NAV3: variants seen among roughly 807,000 people sequenced by gnomAD.
NAV3 encodes pore membrane and/or filament interacting like protein 1.
A neutral mutation model predicts 244.7 loss-of-function variants in NAV3; 87 were observed. That is an observed-to-expected ratio of 0.36 (90% CI 0.30 to 0.42). The LOEUF (loss-of-function observed/expected upper bound fraction) is 0.42, where lower values mean the gene tolerates loss of function less well. Ranked by LOEUF, NAV3 falls within the 20% of genes least tolerant of loss-of-function variation. The probability of loss-of-function intolerance (pLI) is 1.00; values close to 1 mark genes in which losing one functional copy is unlikely to be tolerated. For missense variants in NAV3, 2,663 were observed against 2,893.3 expected, an observed-to-expected ratio of 0.92 and a Z score of 1.83; for synonymous variants, 1,126 against 1,042.2, an observed-to-expected ratio of 1.08 and a Z score of -1.55.
chr12:77,794,475 T>C (rs1172393936), intron 2 of NAV3, among the ~76,000 whole-genome samples: 1 of 152,214 alleles, frequency 6.6e-6, no homozygotes, highest in Non-Finnish European at 1.5e-5. Context: ...AAGATTAATC[T>C]AGCCAGTTAT....
chr12:77,900,572 A>ATG (rs34452646), intron 1 of NAV3, among the ~76,000 whole-genome samples: 2,412 of 151,218 alleles, frequency 0.016, 31 homozygotes, highest in South Asian at 0.048. Flanking sequence ...GCACACGCGT[A>ATG]TGTGTGTGTG....
chr12:77,924,716 T>G (rs1888026127), intron 1 of NAV3, among the ~76,000 whole-genome samples: 1 of 152,080 alleles, frequency 6.6e-6, no homozygotes, highest in Non-Finnish European at 1.5e-5. Context: ...TCAATGCAAT[T>G]AAAAAGAAAG....
Position 77,968,032 on chromosome 12 carries a change from G to T in NAV3, c.488-487G>T, listed in dbSNP as rs147674875. Reference sequence around the variant, plus strand: ...GGGTGATTTAGAAAGAAAGTTGATTGCAACAAATCCAGTTGGTATTAGGAG... The same window carrying T: ...GGGTGATTTAGAAAGAAAGTTGATTTCAACAAATCCAGTTGGTATTAGGAG... On this transcript the variant is annotated intron_variant, in intron 4 of 39. Coordinates refer to ENST00000397909, the MANE Select transcript of NAV3 (RefSeq NM_001024383.2). Among the ~76,000 whole-genome samples, 642 of 152,202 alleles carry T rather than the reference G, an allele frequency of 4.2e-3. 4 individuals carry two copies. Among genetic ancestry groups the T allele is most frequent in the African/African-American group, 0.015 (617 of 41,534 alleles).
At chr12:78,049,184 C>T (rs767277209) in intron 9 of NAV3, among the ~76,000 whole-genome samples, 2 of 152,176 alleles carry the variant, frequency 1.3e-5, no homozygotes, top group Non-Finnish European at 2.9e-5. Flanking sequence ...CTGAGCTAGA[C>T]CACTTAGCTC....
intron 2 of NAV3, among the ~76,000 whole-genome samples, chr12:77,669,740 A>G (rs1233322080): frequency 1.3e-5 from 2 of 152,152 alleles, no homozygotes; most frequent in Non-Finnish European, 2.9e-5. Context: ...ATAAATGGCA[A>G]ACAATAATAG....
chr12:77,947,226 T>C (rs987511839), intron 3 of NAV3, among the ~76,000 whole-genome samples: 8 of 152,070 alleles, frequency 5.3e-5, no homozygotes, highest in East Asian at 1.9e-4. Context: ...ATTACTGTTA[T>C]GGAATTCACA....
At chr12:78,100,568 A>G (rs552052245) in intron 12 of NAV3, among the ~76,000 whole-genome samples, 12 of 152,086 alleles carry the variant, frequency 7.9e-5, no homozygotes, top group African/African-American at 1.9e-4. Flanking sequence ...TAAGTTCCCT[A>G]CTTGCACTCT....
At chr12:78,195,882 C>A (rs1232900164) in intron 34 of NAV3, among the ~76,000 whole-genome samples, 1 of 151,964 alleles carries the variant, frequency 6.6e-6, no homozygotes, top group Non-Finnish European at 1.5e-5. Flanking sequence ...TTAGAGCTTG[C>A]AGGGGAAACC....
Position 77,627,717 on chromosome 12 carries a change from T to A in NAV3, c.72+55451T>A, listed in dbSNP as rs571969790. 2.6e-5 allele frequency among the ~76,000 whole-genome samples: 4 copies of A among 152,290 alleles called. No homozygotes were observed. The South Asian group carries it at 8.3e-4, about 32-fold the overall frequency. Reference sequence around the variant, plus strand: ...AAAGGAAATCAGCATATCAAAGGGATACCTGCACCTCCATGTCTATTGCAG... The same window carrying A: ...AAAGGAAATCAGCATATCAAAGGGAAACCTGCACCTCCATGTCTATTGCAG... On this transcript the variant is annotated intron_variant, in intron 2 of 8. Coordinates refer to the NAV3 transcript ENST00000550042.
chr12:77,655,871 A>C (rs1452278006), intron 2 of NAV3, among the ~76,000 whole-genome samples: 4 of 150,790 alleles, frequency 2.7e-5, no homozygotes, highest in Non-Finnish European at 5.9e-5. Flanking sequence ...TTCATAAGTG[A>C]AGGAGAAATA....
chr12:77,762,619 A>G (rs1270482102), intron 2 of NAV3, among the ~76,000 whole-genome samples: 2 of 151,962 alleles, frequency 1.3e-5, no homozygotes, highest in African/African-American at 2.4e-5. Flanking sequence ...AAAAAAAAAA[A>G]TTAAAAAGAT....
At chr12:77,967,382 T>C (rs1892612557) in intron 4 of NAV3, among the ~76,000 whole-genome samples, 1 of 152,114 alleles carries the variant, frequency 6.6e-6, no homozygotes, top group Non-Finnish European at 1.5e-5. Context: ...TAGCCTCAGA[T>C]TGATGAAGCC....
At chr12:78,075,777 G>A (rs1227693461) in intron 12 of NAV3, among the ~76,000 whole-genome samples, 2 of 152,152 alleles carry the variant, frequency 1.3e-5, no homozygotes, top group Non-Finnish European at 2.9e-5. Flanking sequence ...TACCTCCAAA[G>A]TTTTATTAAC....
chr12:77,605,900 T>G (rs74104964), intron 2 of NAV3, among the ~76,000 whole-genome samples: 45 of 152,294 alleles, frequency 3.0e-4, no homozygotes, highest in African/African-American at 1.1e-3. Context: ...TCTTAAGTTC[T>G]TTATAATCTT....
intron 2 of NAV3, among the ~76,000 whole-genome samples, chr12:77,751,084 A>G (rs183194311): frequency 4.8e-3 from 735 of 152,258 alleles, no homozygotes; most frequent in Non-Finnish European, 8.6e-3. Flanking sequence ...AAACACATAG[A>G]TCTTAGTTTG....
chr12:77,610,831 C>T (rs1870879261), intron 2 of NAV3, among the ~76,000 whole-genome samples: 1 of 151,654 alleles, frequency 6.6e-6, no homozygotes, highest in Admixed American at 6.6e-5. Context: ...TTTTTATTTG[C>T]AAAGAGATAT....
chr12:77,760,771 G>A (rs1363150127), intron 2 of NAV3, among the ~76,000 whole-genome samples: 1 of 152,198 alleles, frequency 6.6e-6, no homozygotes, highest in Non-Finnish European at 1.5e-5. Flanking sequence ...AATCAAAGCT[G>A]TCAGCCACAA....
At chr12:78,016,156 G>A (rs1202217589) in intron 8 of NAV3, among the ~76,000 whole-genome samples, 2 of 151,586 alleles carry the variant, frequency 1.3e-5, no homozygotes, top group Admixed American at 6.6e-5. Flanking sequence ...TAAGGAACTT[G>A]TATGTCTTTT....
Position 78,181,061 on chromosome 12 carries a change from T to C in NAV3, c.5692+16T>C, listed in dbSNP as rs1328165129. 1.9e-6 allele frequency: 3 copies of C among 1,611,292 alleles called. No homozygotes were observed. The African/African-American group carries it at 4.0e-5, about 22-fold the overall frequency. ...GTTAGCTCAGGTGATTTAGTGCACA[T>C]GCTTGCCTGAATCACAGCATACCCA... On this transcript the variant is annotated intron_variant, in intron 30 of 39. Coordinates refer to ENST00000397909, the MANE Select transcript of NAV3 (RefSeq NM_001024383.2).
Sources: allele counts gnomAD v4.1 joint callset (sites outside exome capture counted in the v4.1 genomes callset), GRCh38; gene constraint gnomAD v4.1.1; transcripts MANE v1.5; gene names NCBI Gene and HGNC (gene_info 2026-07-23, HGNC 2026-07-21).